KCNQ3: variants seen among roughly 807,000 people sequenced by gnomAD.
KCNQ3 encodes potassium voltage-gated channel subfamily Q member 3, also known as potassium voltage-gated channel subfamily KQT member 3.
KCNQ3 carries 30 observed loss-of-function variants against 92.5 expected under a neutral mutation model. That is an observed-to-expected ratio of 0.32 (90% CI 0.24 to 0.44). The LOEUF (loss-of-function observed/expected upper bound fraction) is 0.44, where lower values mean the gene tolerates loss of function less well. KCNQ3 is among the 20% of genes least tolerant of loss of function. The pLI, the probability that KCNQ3 is intolerant of heterozygous loss-of-function variation, is 1.00. For synonymous variants in KCNQ3, 450 were observed against 468.8 expected (o/e 0.96, Z 0.52); for missense variants, 913 against 1,140.3 (o/e 0.80, Z 2.87).
chr8:132,324,449 T>A (rs1019103723), intron 1 of KCNQ3, among the ~76,000 whole-genome samples: 1 of 152,196 alleles, frequency 6.6e-6, no homozygotes, highest in African/African-American at 2.4e-5. Context: ...AATGGGCGAA[T>A]GCAGACACAG....
intron 1 of KCNQ3, among the ~76,000 whole-genome samples, chr8:132,218,513 G>A (rs1036205536): frequency 7.9e-5 from 12 of 152,170 alleles, no homozygotes; most frequent in African/African-American, 2.9e-4. Flanking sequence ...GGGAGAGATG[G>A]AGATTTATAA....
At chr8:132,225,332 C>T (rs1022934910) in intron 1 of KCNQ3, among the ~76,000 whole-genome samples, 1 of 152,110 alleles carries the variant, frequency 6.6e-6, no homozygotes, top group African/African-American at 2.4e-5. Flanking sequence ...ATCAGGTAGT[C>T]CACCTGGAAA....
intron 1 of KCNQ3, among the ~76,000 whole-genome samples, chr8:132,386,337 G>C (rs1182268657): frequency 6.6e-6 from 1 of 151,926 alleles, no homozygotes; most frequent in Non-Finnish European, 1.5e-5. Context: ...TATAAATTAA[G>C]AGTAAAATTG....
chr8:132,186,970 G>GAC (rs1826988169), intron 1 of KCNQ3, among the ~76,000 whole-genome samples: 1 of 139,118 alleles, frequency 7.2e-6, no homozygotes, highest in African/African-American at 2.8e-5. Context: ...GAGAGAGAGA[G>GAC]AGAGAGAGAG....
intron 1 of KCNQ3, among the ~76,000 whole-genome samples, chr8:132,449,215 T>C (rs75849869): frequency 0.026 from 4,024 of 152,288 alleles, 76 homozygotes; most frequent in Middle Eastern, 0.058. Context: ...GGTGTCATCT[T>C]GAAATGTGTC....
chr8:132,366,708 A>G (rs1438715079), intron 1 of KCNQ3, among the ~76,000 whole-genome samples: 1 of 152,212 alleles, frequency 6.6e-6, no homozygotes, highest in East Asian at 1.9e-4. Context: ...CCTTTTCAGC[A>G]TCTATCAAGA....
intron 9 of KCNQ3, among the ~76,000 whole-genome samples, chr8:132,154,509 C>T (rs1056728410): frequency 6.6e-6 from 1 of 152,090 alleles, no homozygotes; most frequent in South Asian, 2.1e-4. Flanking sequence ...TGTCTTCATC[C>T]TTATCCTTAT....
At chr8:132,353,675 G>C (rs193079400) in intron 1 of KCNQ3, among the ~76,000 whole-genome samples, 5 of 151,942 alleles carry the variant, frequency 3.3e-5, no homozygotes, top group Non-Finnish European at 7.4e-5. Flanking sequence ...TTAGCTGGGC[G>C]TGGTGGCGCA....
At chr8:132,424,990 C>T (rs1295959322) in intron 1 of KCNQ3, among the ~76,000 whole-genome samples, 3 of 152,170 alleles carry the variant, frequency 2.0e-5, no homozygotes, top group African/African-American at 7.2e-5. Context: ...GTTTAGGACA[C>T]CAATATGTTT....
intron 1 of KCNQ3, among the ~76,000 whole-genome samples, chr8:132,365,578 T>C (rs1038011000): frequency 2.0e-5 from 3 of 152,242 alleles, no homozygotes; most frequent in African/African-American, 7.2e-5. Context: ...AGTTCACCTC[T>C]ATGTGCCTCC....
In KCNQ3 at chr8:132,271,145, T is replaced by C. The variant is rs148208745; in HGVS notation, c.387-84964A>G. 2.0e-3 allele frequency among the ~76,000 whole-genome samples: 311 copies of C among 152,366 alleles called. 3 individuals carry two copies. Among genetic ancestry groups the C allele is most frequent in the South Asian group, 0.013 (65 of 4,824 alleles). ...CACTGCTGTCATGGAGCTCATGTTA[T>C]TTCCATGAACCCCTTGGGAGTCTGG... On this transcript the variant is annotated intron_variant, in intron 1 of 14. Transcript: ENST00000388996.
chr8:132,238,504 C>T (rs376505235), intron 1 of KCNQ3, among the ~76,000 whole-genome samples: 163 of 152,254 alleles, frequency 1.1e-3, no homozygotes, highest in African/African-American at 3.9e-3. Context: ...TAAAATAAAC[C>T]TGTCTTTGAC....
chr8:132,346,648 G>A (rs960819574), intron 1 of KCNQ3, among the ~76,000 whole-genome samples: 3 of 152,220 alleles, frequency 2.0e-5, no homozygotes, highest in Admixed American at 1.3e-4. Context: ...TGGAAACTCT[G>A]AGCAAACTCC....
intron 1 of KCNQ3, among the ~76,000 whole-genome samples, chr8:132,291,102 T>C (rs1015518166): frequency 2.0e-5 from 3 of 152,234 alleles, no homozygotes; most frequent in Non-Finnish European, 1.5e-5. Flanking sequence ...AAATCATTTT[T>C]GTACAGTAAG....
At chr8:132,366,498 T>C (rs766063077) in intron 1 of KCNQ3, among the ~76,000 whole-genome samples, 28 of 152,236 alleles carry the variant, frequency 1.8e-4, no homozygotes, top group African/African-American at 4.8e-4. Context: ...ATAGTGTTGA[T>C]GGTAGATGCT....
chr8:132,137,700 A>G (rs1324801253), intron 12 of KCNQ3, among the ~76,000 whole-genome samples, 185 bp downstream of exon 12: 2 of 152,172 alleles, frequency 1.3e-5, no homozygotes, highest in African/African-American at 2.4e-5. Flanking sequence ...AATGTCATAC[A>G]GCTATTTCAC....
intron 1 of KCNQ3, among the ~76,000 whole-genome samples, chr8:132,333,305 G>A (rs538338493): frequency 3.3e-5 from 5 of 152,278 alleles, no homozygotes; most frequent in East Asian, 1.9e-4. Flanking sequence ...GAGAGCAAGC[G>A]AAGAGAAAAC....
At chr8:132,386,572 T>A (rs1481952174) in intron 1 of KCNQ3, among the ~76,000 whole-genome samples, 1 of 152,132 alleles carries the variant, frequency 6.6e-6, no homozygotes, top group African/African-American at 2.4e-5. Context: ...AAATTAATCA[T>A]CCTTTTAAAC....
chr8:132,228,387 G>A (rs958631481), intron 1 of KCNQ3, among the ~76,000 whole-genome samples: 36 of 152,118 alleles, frequency 2.4e-4, no homozygotes, highest in African/African-American at 8.4e-4. Flanking sequence ...GAGAGAGAGA[G>A]AGAGTGTGTC....
Sources: allele counts gnomAD v4.1 joint callset (sites outside exome capture counted in the v4.1 genomes callset), GRCh38; gene constraint gnomAD v4.1.1; transcripts MANE v1.5; gene names NCBI Gene and HGNC (gene_info 2026-07-23, HGNC 2026-07-21).